The following CNTNAP2 variants were observed in gnomAD, a reference collection of about 807,000 sequenced individuals.
CNTNAP2 encodes contactin-associated protein-like 2.
CNTNAP2 carries 98 observed loss-of-function variants against 155.2 expected under a neutral mutation model. That is an observed-to-expected ratio of 0.63 (90% CI 0.54 to 0.75). The LOEUF is 0.75. Among genes scored for constraint, CNTNAP2 ranks in the 30% least tolerant of loss-of-function variants. The pLI, the probability that CNTNAP2 is intolerant of heterozygous loss-of-function variation, is 0.00. For missense variants in CNTNAP2, 1,727 were observed against 1,688.1 expected (o/e 1.02, Z -0.40); for synonymous variants, 651 against 631.2 (o/e 1.03, Z -0.47).
chr7:147,901,858 G>GATGA (rs958623641), intron 13 of CNTNAP2, among the ~76,000 whole-genome samples: 19 of 152,188 alleles, frequency 1.2e-4, no homozygotes, highest in African/African-American at 4.6e-4. Context: ...TTGATGATTG[G>GATGA]ATGAATGAAT....
chr7:147,767,453 G>A (rs1450297561), intron 13 of CNTNAP2, among the ~76,000 whole-genome samples: 1 of 151,846 alleles, frequency 6.6e-6, no homozygotes, highest in Admixed American at 6.6e-5. Context: ...AATGTAAGTT[G>A]GTCACTTATT....
chr7:147,608,633 G>A (rs1165418364), intron 12 of CNTNAP2, among the ~76,000 whole-genome samples: 1 of 151,974 alleles, frequency 6.6e-6, no homozygotes, highest in East Asian at 1.9e-4. Flanking sequence ...TGTTTTATAG[G>A]AATCATCATT....
At chr7:146,232,204 G>A (rs1482549696) in intron 1 of CNTNAP2, among the ~76,000 whole-genome samples, 5 of 150,680 alleles carry the variant, frequency 3.3e-5, no homozygotes, top group African/African-American at 1.2e-4. Context: ...AAATAAGCTT[G>A]TTATGTATAT....
At chr7:148,404,836 A>G (rs1799661392) in intron 22 of CNTNAP2, among the ~76,000 whole-genome samples, 1 of 152,160 alleles carries the variant, frequency 6.6e-6, no homozygotes, top group African/African-American at 2.4e-5. Context: ...AATTCTCTTC[A>G]GTCATCCTCA....
intron 21 of CNTNAP2, among the ~76,000 whole-genome samples, chr7:148,308,197 A>G (rs953294593): frequency 6.6e-6 from 1 of 152,176 alleles, no homozygotes; most frequent in Non-Finnish European, 1.5e-5. Flanking sequence ...TGCTTTAAGA[A>G]GAAATGCTCT....
intron 14 of CNTNAP2, among the ~76,000 whole-genome samples, chr7:147,921,298 G>A (rs1412177008): frequency 6.6e-6 from 1 of 152,158 alleles, no homozygotes; most frequent in African/African-American, 2.4e-5. Flanking sequence ...GCCTCAATCT[G>A]TATCTTTGGT....
chr7:146,333,007 G>A (rs981736996), intron 1 of CNTNAP2, among the ~76,000 whole-genome samples: 5 of 141,562 alleles, frequency 3.5e-5, no homozygotes, highest in East Asian at 4.2e-4. Context: ...GCAGTGGTGC[G>A]ATCTCGGCTT....
rs143232654 is a variant in CNTNAP2, at chr7:147,709,631, G to A, written c.2098+70325G>A. ...TCTATAAACACTGTTCCTCTGGACT[G>A]GGCGTTTGATACATACCGAGCAGCC... On this transcript the variant is annotated intron_variant, in intron 13 of 23. Transcript: ENST00000361727. Among the ~76,000 whole-genome samples the A allele has an allele frequency of 6.7e-3, 1,015 of 152,236 alleles. 14 individuals carry two copies. The highest frequency in any genetic ancestry group is 0.024 in the African/African-American group (983 of 41,540).
intron 10 of CNTNAP2, among the ~76,000 whole-genome samples, chr7:147,415,565 A>T (rs1196567769): frequency 6.6e-6 from 1 of 152,138 alleles, no homozygotes; most frequent in East Asian, 1.9e-4. Context: ...ACCTTCGGCC[A>T]TGATTGTGTT....
At chr7:148,369,798 CCT>C in intron 21 of CNTNAP2, among the ~76,000 whole-genome samples, 1 of 152,058 alleles carries the variant, frequency 6.6e-6, no homozygotes, top group African/African-American at 2.4e-5. Context: ...GGCTCTACGC[CCT>C]GTGTGTACAG....
chr7:148,318,289 T>C (rs1168983572), intron 21 of CNTNAP2, among the ~76,000 whole-genome samples: 8 of 152,190 alleles, frequency 5.3e-5, no homozygotes, highest in Admixed American at 5.2e-4. Context: ...TGTCGCCTGC[T>C]TGGCTTGCCC....
At chr7:147,651,671 A>T (rs1795453085) in intron 13 of CNTNAP2, among the ~76,000 whole-genome samples, 1 of 152,184 alleles carries the variant, frequency 6.6e-6, no homozygotes, top group Admixed American at 6.5e-5. Context: ...CAAATTGCCA[A>T]ACAAAGTTAG....
At chr7:147,604,800 A>G (rs754635885) in intron 12 of CNTNAP2, among the ~76,000 whole-genome samples, 1 of 152,220 alleles carries the variant, frequency 6.6e-6, no homozygotes, top group Non-Finnish European at 1.5e-5. Flanking sequence ...AGAGCAACAC[A>G]GGCAAACTCT....
intron 21 of CNTNAP2, among the ~76,000 whole-genome samples, chr7:148,374,428 T>C (rs889337124): frequency 6.6e-6 from 1 of 152,188 alleles, no homozygotes; most frequent in Non-Finnish European, 1.5e-5. Flanking sequence ...TACCCTTTTT[T>C]CCCCATTGTC....
At chr7:147,091,130 A>T (rs973072357) in intron 4 of CNTNAP2, among the ~76,000 whole-genome samples, 6 of 152,046 alleles carry the variant, frequency 3.9e-5, no homozygotes, top group African/African-American at 1.2e-4. Context: ...CCATCGGATG[A>T]TCATGGAGTC....
chr7:146,517,131 C>T (rs55866334), intron 1 of CNTNAP2, among the ~76,000 whole-genome samples: 5,089 of 152,000 alleles, frequency 0.033, 131 homozygotes, highest in Non-Finnish European at 0.051. Context: ...ATAAATCATC[C>T]CTTTGTTCAG....
At chr7:147,139,885 T>C (rs1203684497) in intron 8 of CNTNAP2, among the ~76,000 whole-genome samples, 1 of 152,088 alleles carries the variant, frequency 6.6e-6, no homozygotes. Context: ...AGAAAGTAAT[T>C]ACCTTTGGTA....
chr7:147,014,274 G>T (rs892923333), intron 3 of CNTNAP2, among the ~76,000 whole-genome samples: 8 of 151,872 alleles, frequency 5.3e-5, no homozygotes, highest in Non-Finnish European at 7.4e-5. Context: ...TTTTTCATAG[G>T]TTTTTTTCTA....
At chr7:146,650,740 A>G (rs1321640144) in intron 1 of CNTNAP2, among the ~76,000 whole-genome samples, 1 of 152,188 alleles carries the variant, frequency 6.6e-6, no homozygotes, top group Admixed American at 6.5e-5. Flanking sequence ...TAATGGAAAG[A>G]GTACATTGTA....
Sources: allele counts gnomAD v4.1 joint callset (sites outside exome capture counted in the v4.1 genomes callset), GRCh38; gene constraint gnomAD v4.1.1; transcripts MANE v1.5; gene names NCBI Gene and HGNC (gene_info 2026-07-23, HGNC 2026-07-21).